PPP2R3A: variants seen among roughly 807,000 people sequenced by gnomAD.
PPP2R3A encodes serine/threonine-protein phosphatase 2A regulatory subunit B'' subunit alpha.
PPP2R3A carries 80 observed loss-of-function variants against 106.9 expected under a neutral mutation model. That is an observed-to-expected ratio of 0.75 (90% CI 0.62 to 0.90). The LOEUF (loss-of-function observed/expected upper bound fraction) is 0.90, where lower values mean the gene tolerates loss of function less well. Among genes scored for constraint, PPP2R3A ranks in the 40% least tolerant of loss-of-function variants. The probability of loss-of-function intolerance (pLI) is 0.00; values close to 1 mark genes in which losing one functional copy is unlikely to be tolerated. For synonymous variants in PPP2R3A, 483 were observed against 468.3 expected, an observed-to-expected ratio of 1.03 and a Z score of -0.41; for missense variants, 1,386 against 1,350.4, an observed-to-expected ratio of 1.03 and a Z score of -0.41.
chr3:136,117,131 A>G (rs972487586), intron 13 of PPP2R3A, among the ~76,000 whole-genome samples: 16 of 152,228 alleles, frequency 1.1e-4, no homozygotes, highest in African/African-American at 3.9e-4. Flanking sequence ...CTTCTCCTGA[A>G]TGACTACTGG....
chr3:135,980,207 A>G (rs1937521922), intron 1 of PPP2R3A, among the ~76,000 whole-genome samples: 1 of 151,800 alleles, frequency 6.6e-6, no homozygotes, highest in African/African-American at 2.4e-5. Flanking sequence ...CAGGACAGAA[A>G]ATATAATTGG....
rs1559863103 is a variant in PPP2R3A, at chr3:136,003,192, A to G, written c.1694A>G (p.Glu565Gly). 6.2e-7 allele frequency: 1 copy of G among 1,613,926 alleles called. No homozygotes were observed. Among genetic ancestry groups the G allele is most frequent in the Non-Finnish European group, 8.5e-7 (1 of 1,179,874 alleles). ...EPKSKVSSPI[E>G]KVSPSCLTRI... ...AAATCTAAAGTCTCTTCACCCATAGAAAAAGTCTCACCTTCCTGTCTAACA... is the reference window on the plus strand; with the variant it reads ...AAATCTAAAGTCTCTTCACCCATAGGAAAAGTCTCACCTTCCTGTCTAACA... Residue 565 changes from glutamate to glycine, a missense_variant, in exon 2 of 14, where the codon GAA becomes GGA. Coordinates refer to ENST00000264977, the MANE Select transcript of PPP2R3A (RefSeq NM_002718.5).
rs138219732 is a variant in PPP2R3A at position 136,032,066 on chromosome 3, T to C, written c.2262+4968T>C. Among the ~76,000 whole-genome samples the C allele has an allele frequency of 2.4e-3, 369 of 152,282 alleles. 1 individual carries two copies. Among genetic ancestry groups the C allele is most frequent in the Middle Eastern group, 6.8e-3 (2 of 294 alleles). ...AATGTTGATGGTATTTTTATAGGAA[T>C]TGTGGTGGGAATTGCATTGAGTCTG... On this transcript the variant is annotated intron_variant, in intron 3 of 13. Transcript: ENST00000264977.
At chr3:136,068,346 C>T (rs560376036) in intron 5 of PPP2R3A, among the ~76,000 whole-genome samples, 30 of 151,738 alleles carry the variant, frequency 2.0e-4, no homozygotes, top group South Asian at 6.2e-4. Context: ...ACCCATGAGT[C>T]TGCGCTGTTA....
At chr3:136,102,342 C>CTTTTTTT (rs397874378) in intron 11 of PPP2R3A, among the ~76,000 whole-genome samples, 160 bp downstream of exon 11, 1 of 116,008 alleles carries the variant, frequency 8.6e-6, no homozygotes, top group African/African-American at 3.1e-5. Flanking sequence ...AGTGTAGCAA[C>CTTTTTTT]TTTTTTTTTT....
intron 8 of PPP2R3A, among the ~76,000 whole-genome samples, chr3:136,085,558 G>A (rs1024954304): frequency 3.9e-5 from 6 of 151,906 alleles, no homozygotes; most frequent in African/African-American, 7.3e-5. Flanking sequence ...AGGATTACAG[G>A]CATGATCCAC....
At chr3:136,122,665 G>C (rs1938040636) in intron 13 of PPP2R3A, among the ~76,000 whole-genome samples, 1 of 152,272 alleles carries the variant, frequency 6.6e-6, no homozygotes, top group Non-Finnish European at 1.5e-5. Flanking sequence ...CATACACACA[G>C]AGAGCATACT....
chr3:135,999,866 C>T (rs1020677945), intron 1 of PPP2R3A, among the ~76,000 whole-genome samples: 6 of 152,018 alleles, frequency 3.9e-5, no homozygotes, highest in African/African-American at 1.2e-4. Context: ...CTCTGCCTCC[C>T]GGGTTCAAGA....
At chr3:136,111,415 A>T (rs1484988598) in intron 13 of PPP2R3A, among the ~76,000 whole-genome samples, 3 of 152,122 alleles carry the variant, frequency 2.0e-5, no homozygotes, top group African/African-American at 7.2e-5. Flanking sequence ...TTATTAACTG[A>T]AAAAAATTGA....
At chr3:136,066,875 A>G (rs1038022172) in intron 5 of PPP2R3A, among the ~76,000 whole-genome samples, 3 of 152,174 alleles carry the variant, frequency 2.0e-5, no homozygotes, top group African/African-American at 4.8e-5. Flanking sequence ...GATCCAAACC[A>G]TATCATTTAT....
intron 2 of PPP2R3A, among the ~76,000 whole-genome samples, chr3:136,025,419 T>C (rs1054162058): frequency 4.6e-4 from 70 of 152,086 alleles, no homozygotes; most frequent in African/African-American, 1.6e-3. Context: ...ACAACTGGCC[T>C]TCATATCCCT....
chr3:135,980,466 AAGTGTAT>A (rs983703790), intron 1 of PPP2R3A, among the ~76,000 whole-genome samples: 2 of 151,658 alleles, frequency 1.3e-5, no homozygotes, highest in African/African-American at 4.9e-5. Flanking sequence ...AAAAGTTGGT[AAGTGTAT>A]AATAGAAAAG....
In PPP2R3A at chr3:136,034,030, T is replaced by C. The variant is rs540224601; in HGVS notation, c.2263-6829T>C. ...TGTGCTCTTTCAGACTTTTTTTCTT[T>C]TTCTTTTTCTTTTTTTTTTTTTTTG... is the stretch of plus-strand genomic sequence containing the variant. On this transcript the variant is annotated intron_variant, in intron 3 of 13. Coordinates refer to ENST00000264977, the MANE Select transcript of PPP2R3A (RefSeq NM_002718.5). Among the ~76,000 whole-genome samples the C allele has an allele frequency of 2.8e-5, 4 of 144,640 alleles. No individual in the cohort carries two copies. The South Asian group carries it at 9.0e-4, about 33-fold the overall frequency. 94.9% of individuals were successfully genotyped at this position (144,640 alleles called of 152,430 possible). A position where few individuals can be genotyped will look rare whatever the true frequency, so the allele number is the denominator to read the frequency against.
intron 2 of PPP2R3A, among the ~76,000 whole-genome samples, chr3:136,013,820 C>T (rs1011941916): frequency 1.9e-4 from 22 of 114,768 alleles, no homozygotes; most frequent in African/African-American, 5.3e-4. Flanking sequence ...ATTTCTTTTG[C>T]TGTGCAGAAG....
At chr3:136,055,598 A>G (rs748876536) in intron 5 of PPP2R3A, 1 of 1,402,508 alleles carries the variant, frequency 7.1e-7, no homozygotes, top group Non-Finnish European at 1.0e-6. Flanking sequence ...CTGTATCCAC[A>G]CGAGCCAACT....
chr3:136,106,079 C>A, intron 12 of PPP2R3A, 137 bp from the exon 13 acceptor site: 2 of 694,096 alleles, frequency 2.9e-6, no homozygotes, highest in South Asian at 3.9e-5. Context: ...TTTACCTTAG[C>A]ACCTCTTTTA....
At chr3:136,137,463 G>A (rs578160671) in intron 13 of PPP2R3A, among the ~76,000 whole-genome samples, 8 of 126,980 alleles carry the variant, frequency 6.3e-5, no homozygotes, top group African/African-American at 2.4e-4. Flanking sequence ...GATTAGAACT[G>A]TTTTCTATTG....
intron 10 of PPP2R3A, among the ~76,000 whole-genome samples, chr3:136,096,307 A>C (rs1195845093): frequency 6.6e-6 from 1 of 152,228 alleles, no homozygotes; most frequent in East Asian, 1.9e-4. Flanking sequence ...CTGGCTTATG[A>C]ATTACATGGG....
intron 13 of PPP2R3A, among the ~76,000 whole-genome samples, chr3:136,119,686 A>G (rs898474638): frequency 1.3e-5 from 2 of 152,148 alleles, no homozygotes; most frequent in Non-Finnish European, 2.9e-5. Context: ...TTAGAATGGC[A>G]ATCATTAAAA....
Sources: gnomAD v4.1 joint callset for allele counts (sites outside exome capture counted in the v4.1 genomes callset) on GRCh38, gnomAD v4.1.1 for gene constraint, MANE v1.5 for transcripts, NCBI Gene and HGNC (gene_info 2026-07-23, HGNC 2026-07-21) for gene names.